The following GRM8 variants were observed in gnomAD, a reference collection of about 807,000 sequenced individuals.
GRM8 encodes the protein metabotropic glutamate receptor 8.
GRM8 carries 47 observed loss-of-function variants against 87.2 expected under a neutral mutation model. The observed-to-expected ratio is 0.54, with a 90% CI of 0.43 to 0.69. GRM8 has a LOEUF of 0.69. Ranked by LOEUF, GRM8 falls within the 30% of genes least tolerant of loss-of-function variation. The pLI is 0.00. For synonymous variants in GRM8, 396 were observed against 404.5 expected (o/e 0.98, Z 0.25); for missense variants, 1,019 against 1,139.2 (o/e 0.89, Z 1.52).
At chr7:126,952,788 T>C (rs1808302241) in intron 3 of GRM8, among the ~76,000 whole-genome samples, 1 of 151,968 alleles carries the variant, frequency 6.6e-6, no homozygotes, top group African/African-American at 2.4e-5. Flanking sequence ...TTCAAAAATA[T>C]AAGGTCTTAA....
At chr7:126,692,718 A>G (rs1401106617) in intron 7 of GRM8, among the ~76,000 whole-genome samples, 2 of 152,086 alleles carry the variant, frequency 1.3e-5, no homozygotes, top group Non-Finnish European at 2.9e-5. Context: ...AAAATAAAAC[A>G]CTGCAATTTT....
chr7:126,439,825 A>AGTGTGT (rs57638512), intron 10 of GRM8, among the ~76,000 whole-genome samples: 19,895 of 142,572 alleles, frequency 0.14, 1,531 homozygotes, highest in Admixed American at 0.21. Context: ...GGCCTAGGCT[A>AGTGTGT]GTGTGTGTGT....
At chr7:127,176,846 C>T (rs1241454079) in intron 2 of GRM8, among the ~76,000 whole-genome samples, 1 of 152,114 alleles carries the variant, frequency 6.6e-6, no homozygotes, top group African/African-American at 2.4e-5. Flanking sequence ...AGCAGAAAGG[C>T]CTTGGGAGCT....
chr7:126,794,602 T>C (rs920164019), intron 6 of GRM8, among the ~76,000 whole-genome samples: 1 of 152,178 alleles, frequency 6.6e-6, no homozygotes, highest in Admixed American at 6.5e-5. Context: ...CATTATGCTG[T>C]ACCCTGGTAT....
At chr7:126,689,223 A>G (rs2151362147) in intron 7 of GRM8, among the ~76,000 whole-genome samples, 1 of 152,252 alleles carries the variant, frequency 6.6e-6, no homozygotes, top group Admixed American at 6.5e-5. Flanking sequence ...TGCTGACACC[A>G]GCCTATAAAT....
At chr7:126,739,381 T>C (rs1585731550) in intron 7 of GRM8, among the ~76,000 whole-genome samples, 1 of 151,408 alleles carries the variant, frequency 6.6e-6, no homozygotes, top group South Asian at 2.1e-4. Context: ...TGAGATTCCA[T>C]CCAAAGTTAC....
intron 7 of GRM8, among the ~76,000 whole-genome samples, chr7:126,757,574 A>G (rs1261876859): frequency 1.3e-5 from 2 of 152,182 alleles, no homozygotes; most frequent in African/African-American, 4.8e-5. Context: ...TTTTTAAATA[A>G]ATAGGGCATA....
intron 6 of GRM8, among the ~76,000 whole-genome samples, chr7:126,787,763 T>A (rs1339483078): frequency 6.6e-6 from 1 of 152,276 alleles, no homozygotes; most frequent in Middle Eastern, 3.4e-3. Flanking sequence ...ATCTTTTTTT[T>A]ATTTCTATTT....
chr7:127,191,878 C>A (rs1461279330), intron 2 of GRM8, among the ~76,000 whole-genome samples: 1 of 152,154 alleles, frequency 6.6e-6, no homozygotes, highest in Non-Finnish European at 1.5e-5. Flanking sequence ...GAGGCCCAAT[C>A]TGTTGTTTAT....
chr7:126,477,747 A>C (rs964724831), intron 9 of GRM8, among the ~76,000 whole-genome samples: 2 of 152,044 alleles, frequency 1.3e-5, no homozygotes, highest in Non-Finnish European at 2.9e-5. Flanking sequence ...AAAAGGAAAG[A>C]AATTTTAAAA....
At chr7:126,605,303 T>C (rs756436905) in intron 8 of GRM8, among the ~76,000 whole-genome samples, 1 of 152,170 alleles carries the variant, frequency 6.6e-6, no homozygotes, top group Non-Finnish European at 1.5e-5. Context: ...CACTCTCAGG[T>C]AGACAATACA....
At chr7:126,862,805 CTTTTT>C (rs1352806336) in intron 6 of GRM8, among the ~76,000 whole-genome samples, 2 of 152,000 alleles carry the variant, frequency 1.3e-5, no homozygotes, top group Non-Finnish European at 2.9e-5. Flanking sequence ...GAAATGATAT[CTTTTT>C]TTATTTCTCA....
chr7:126,624,537 T>C (rs1800478193), intron 7 of GRM8, among the ~76,000 whole-genome samples: 1 of 152,250 alleles, frequency 6.6e-6, no homozygotes, highest in South Asian at 2.1e-4. Flanking sequence ...ATATTTGGTT[T>C]GTTTAACTGA....
chr7:127,109,642 C>T (rs982168408), intron 2 of GRM8, among the ~76,000 whole-genome samples: 7 of 152,168 alleles, frequency 4.6e-5, no homozygotes, highest in Non-Finnish European at 1.0e-4. Context: ...CCAAAGCCTC[C>T]GCCATCTAAC....
intron 3 of GRM8, among the ~76,000 whole-genome samples, chr7:126,962,221 G>C (rs1038151030): frequency 6.6e-6 from 1 of 152,162 alleles, no homozygotes; most frequent in South Asian, 2.1e-4. Flanking sequence ...TGTAAGGGTA[G>C]GTATTAGGGT....
chr7:127,011,462 T>C (rs921327308), intron 3 of GRM8, among the ~76,000 whole-genome samples: 1 of 152,170 alleles, frequency 6.6e-6, no homozygotes, highest in African/African-American at 2.4e-5. Flanking sequence ...GGATGTGCAG[T>C]TGTGATCATG....
intron 6 of GRM8, among the ~76,000 whole-genome samples, chr7:126,772,759 T>C (rs992783751): frequency 3.3e-5 from 5 of 152,086 alleles, no homozygotes; most frequent in African/African-American, 7.2e-5. Context: ...TTCCCAATAT[T>C]TACGCATTTC....
chr7:126,806,264 G>A (rs898995451), intron 6 of GRM8, among the ~76,000 whole-genome samples: 3 of 152,156 alleles, frequency 2.0e-5, no homozygotes, highest in African/African-American at 4.8e-5. Flanking sequence ...TAAAGGCGGC[G>A]CATCTGGAGT....
chr7:126,761,213 A>C (rs564439392), intron 7 of GRM8, among the ~76,000 whole-genome samples: 17 of 150,962 alleles, frequency 1.1e-4, no homozygotes, highest in East Asian at 7.7e-4. Flanking sequence ...AAATTAAAAA[A>C]AAAAAAAGTA....
Sources: gnomAD v4.1 joint callset for allele counts (sites outside exome capture counted in the v4.1 genomes callset) on GRCh38, gnomAD v4.1.1 for gene constraint, MANE v1.5 for transcripts, NCBI Gene and HGNC (gene_info 2026-07-23, HGNC 2026-07-21) for gene names.